Variants in TBC1D5 observed in about 807,000 individuals in gnomAD.
TBC1D5 encodes TBC1 domain family, member 5.
A neutral mutation model predicts 100.3 loss-of-function variants in TBC1D5; 75 were observed. That is an observed-to-expected ratio of 0.75 (90% CI 0.62 to 0.91). TBC1D5 has a LOEUF of 0.91. TBC1D5 is among the 40% of genes least tolerant of loss of function. The pLI, the probability that TBC1D5 is intolerant of heterozygous loss-of-function variation, is 0.00. For synonymous variants in TBC1D5, 323 were observed against 325.6 expected (o/e 0.99, Z 0.09); for missense variants, 910 against 942.4 (o/e 0.97, Z 0.45).
intron 13 of TBC1D5, among the ~76,000 whole-genome samples, chr3:17,325,328 T>C (rs2085957300): frequency 6.7e-6 from 1 of 150,172 alleles, no homozygotes; most frequent in South Asian, 2.1e-4. Flanking sequence ...TGAATCTTTT[T>C]TTTTTTTTTT....
In TBC1D5 at chr3:17,257,649, A is replaced by G. The variant is rs142790034; in HGVS notation, c.1331+857T>C. The stretch of plus-strand genomic sequence containing the variant: ...TTTAAATTTAGCCATTTTGTTGTAA[A>G]CTTCTTCTCATCCCTTAGACTATGA... On this transcript the variant is annotated intron_variant, in intron 16 of 21. Coordinates refer to ENST00000253692, the Ensembl canonical transcript of TBC1D5. 1.8e-3 allele frequency among the ~76,000 whole-genome samples: 268 copies of G among 152,330 alleles called. 2 individuals carry two copies. The highest frequency in any genetic ancestry group is 2.7e-3 in the Non-Finnish European group (183 of 68,026).
chr3:17,177,505 G>A (rs1001467045), intron 19 of TBC1D5, among the ~76,000 whole-genome samples: 2 of 152,208 alleles, frequency 1.3e-5, no homozygotes, highest in Non-Finnish European at 2.9e-5. Flanking sequence ...GTGCATGCAT[G>A]TTTGAAGCAT....
chr3:17,189,803 T>G (rs369644216), intron 18 of TBC1D5, among the ~76,000 whole-genome samples: 3 of 152,326 alleles, frequency 2.0e-5, no homozygotes, highest in East Asian at 3.9e-4. Flanking sequence ...TATTTCAGTT[T>G]CCTTTACCTG....
At chr3:17,407,097 A>C (rs1006827568) in intron 4 of TBC1D5, among the ~76,000 whole-genome samples, 2 of 152,158 alleles carry the variant, frequency 1.3e-5, no homozygotes, top group African/African-American at 4.8e-5. Context: ...AAAACATCAA[A>C]AAATTAAAAA....
intron 19 of TBC1D5, among the ~76,000 whole-genome samples, chr3:17,182,607 T>C (rs1012616306): frequency 2.0e-5 from 3 of 152,228 alleles, no homozygotes; most frequent in Non-Finnish European, 2.9e-5. Context: ...CTTTGCTCTC[T>C]TACTTTGGTG....
intron 13 of TBC1D5, among the ~76,000 whole-genome samples, chr3:17,313,570 CTT>C (rs966192424): frequency 3.3e-5 from 5 of 152,142 alleles, no homozygotes; most frequent in African/African-American, 1.2e-4. Flanking sequence ...ACATGTCTGA[CTT>C]TATTTTTTGA....
chr3:17,180,916 CAAAA>C (rs76797012), intron 19 of TBC1D5, among the ~76,000 whole-genome samples: 3 of 96,160 alleles, frequency 3.1e-5, no homozygotes, highest in Non-Finnish European at 4.4e-5. Flanking sequence ...ACATTTACAC[CAAAA>C]AAAAAAAAAA....
chr3:17,351,509 C>G, intron 13 of TBC1D5, among the ~76,000 whole-genome samples: 1 of 152,062 alleles, frequency 6.6e-6, no homozygotes, highest in Non-Finnish European at 1.5e-5. Context: ...TGTTCTCACT[C>G]ATAAGTGGGA....
chr3:17,452,607 G>T (rs1339236962), intron 3 of TBC1D5, among the ~76,000 whole-genome samples: 1 of 152,166 alleles, frequency 6.6e-6, no homozygotes, highest in African/African-American at 2.4e-5. Context: ...TTCACAGGAA[G>T]AGGATAAAAC....
At chr3:17,310,384 C>T in intron 13 of TBC1D5, among the ~76,000 whole-genome samples, 1 of 152,052 alleles carries the variant, frequency 6.6e-6, no homozygotes, top group East Asian at 1.9e-4. Flanking sequence ...CAATGTGCTG[C>T]TTTATAAATC....
chr3:17,204,166 G>A (rs1184268999), intron 18 of TBC1D5, among the ~76,000 whole-genome samples: 1 of 152,192 alleles, frequency 6.6e-6, no homozygotes, highest in Non-Finnish European at 1.5e-5. Flanking sequence ...TAAGAGCAGG[G>A]AGACACTGTG....
chr3:17,437,661 A>G (rs2094562288), intron 3 of TBC1D5, among the ~76,000 whole-genome samples: 1 of 117,360 alleles, frequency 8.5e-6, no homozygotes, highest in Admixed American at 9.9e-5. Context: ...AGGGAGGGAG[A>G]GATTTGGGAG....
At chr3:17,718,405 A>G (rs1048112124) in intron 1 of TBC1D5, among the ~76,000 whole-genome samples, 11 of 152,050 alleles carry the variant, frequency 7.2e-5, no homozygotes, top group African/African-American at 2.7e-4. Flanking sequence ...AGACCATCCT[A>G]GCTAACATGG....
At chr3:17,623,908 A>G (rs945938397) in exon 2 of TBC1D5, 1 of 151,972 alleles carries the variant, frequency 6.6e-6, no homozygotes, top group Admixed American at 6.6e-5. Context: ...CTTGATACTG[A>G]TATCACTGAA....
chr3:17,322,567 A>G (rs139862716), intron 13 of TBC1D5, among the ~76,000 whole-genome samples: 309 of 152,344 alleles, frequency 2.0e-3, no homozygotes, highest in African/African-American at 7.1e-3. Flanking sequence ...ACAGAGCAGG[A>G]AGGAGAAACC....
At chr3:17,198,106 T>C (rs985891584) in intron 18 of TBC1D5, among the ~76,000 whole-genome samples, 1 of 152,228 alleles carries the variant, frequency 6.6e-6, no homozygotes, top group African/African-American at 2.4e-5. Context: ...ATCAAATTTA[T>C]ATTTTTTTCC....
intron 1 of TBC1D5, among the ~76,000 whole-genome samples, chr3:17,667,319 T>C (rs1300636570): frequency 6.6e-6 from 1 of 152,160 alleles, no homozygotes; most frequent in Non-Finnish European, 1.5e-5. Context: ...GTAACAAGTA[T>C]TTAATTTCTA....
At chr3:17,733,102 G>A (rs1381350610) in intron 1 of TBC1D5, among the ~76,000 whole-genome samples, 3 of 152,170 alleles carry the variant, frequency 2.0e-5, no homozygotes, top group Non-Finnish European at 1.5e-5. Flanking sequence ...ATCAGTAAGA[G>A]GGCAGAATCA....
intron 18 of TBC1D5, among the ~76,000 whole-genome samples, chr3:17,212,793 G>A (rs2073141787): frequency 6.6e-6 from 1 of 151,970 alleles, no homozygotes; most frequent in African/African-American, 2.4e-5. Flanking sequence ...AAGCATTTTT[G>A]TACATCTATC....
Sources: allele counts gnomAD v4.1 joint callset (sites outside exome capture counted in the v4.1 genomes callset), GRCh38; gene constraint gnomAD v4.1.1; transcripts MANE v1.5; gene names NCBI Gene and HGNC (gene_info 2026-07-23, HGNC 2026-07-21).